The following HSPG2 variants were observed in gnomAD, a reference collection of about 807,000 sequenced individuals.
The protein encoded by HSPG2 is heparan sulfate proteoglycan 2, also known as basement membrane-specific heparan sulfate proteoglycan core protein.
In HSPG2, 278 loss-of-function variants were observed where a neutral mutation model predicts 526.6. The observed-to-expected ratio is 0.53, with a 90% CI of 0.48 to 0.58. HSPG2 has a LOEUF of 0.58. Among genes scored for constraint, HSPG2 ranks in the 20% least tolerant of loss-of-function variants. The probability of loss-of-function intolerance (pLI) is 0.00; values close to 1 mark genes in which losing one functional copy is unlikely to be tolerated. For synonymous variants in HSPG2, 2,465 were observed against 2,555.4 expected (o/e 0.96, Z 1.07); for missense variants, 5,354 against 6,099.5 (o/e 0.88, Z 4.07).
At chr1:21,930,382 T>G (rs1217926757) in intron 1 of HSPG2, among the ~76,000 whole-genome samples, 1 of 152,224 alleles carries the variant, frequency 6.6e-6, no homozygotes, top group East Asian at 1.9e-4. Flanking sequence ...TATCACCACC[T>G]GATGTATTTC....
chr1:21,833,470 G>A lies in HSPG2; in HGVS notation c.10975C>T (p.Pro3659Ser). 2 of 1,614,172 alleles carry A rather than the reference G, an allele frequency of 1.2e-6. No individual in the cohort carries two copies. The highest frequency in any genetic ancestry group is 1.7e-6 in the Non-Finnish European group (2 of 1,180,020). Residue 3659 changes from proline (P) to serine (S), a missense_variant, in exon 79 of 97, where the codon CCA (proline) becomes TCA (serine). Physicochemically the swap from Pro to Ser is moderately conservative, Grantham distance 74. Transcript: ENST00000374695. ...ATTCTTAGGGGTGGTGTCTTACCTGGCACCTGCAGGTGGGCAAAGGCTTTG... is the reference window on the plus strand; with the variant it reads ...ATTCTTAGGGGTGGTGTCTTACCTGACACCTGCAGGTGGGCAAAGGCTTTG... ...KVKAFAHLQV[P>S]ERVVPYFTQT...
Position 21,887,168 on chromosome 1 carries a change from G to A in HSPG2, c.1078+47C>T, listed in dbSNP as rs538384996. 1.2e-4 allele frequency: 200 copies of A among 1,610,522 alleles called. 1 individual carries two copies. Among genetic ancestry groups the A allele is most frequent in the Middle Eastern group, 8.3e-4 (4 of 4,834 alleles). ...AGTGGAAGGCGGGGCAGGAGCAAGC[G>A]GCCTGGGCAGGGCAAGGGGGCCTCA... On this transcript the variant is annotated intron_variant, in intron 9 of 96. Coordinates refer to ENST00000374695, the MANE Select transcript of HSPG2 (RefSeq NM_005529.7). The surrounding 1 kb of genome is among the most constrained non-coding windows in gnomAD (Gnocchi z 5.0).
At chr1:21,915,160 A>G (rs2445133) in intron 1 of HSPG2, among the ~76,000 whole-genome samples, 140,735 of 152,280 alleles carry the variant, frequency 0.92, 65,793 homozygotes, top group South Asian at 0.99. Context: ...CAAACAGCAC[A>G]CTTGGCGCCC....
At position 21,876,403 on chromosome 1, in the gene HSPG2, C is replaced by T; in HGVS notation, c.2829G>A (p.Leu943=). The T allele has an allele frequency of 6.2e-7, 1 of 1,610,306 alleles. No homozygotes were observed. Among genetic ancestry groups the T allele is most frequent in the Non-Finnish European group, 8.5e-7 (1 of 1,178,292 alleles). The change falls in exon 23 of 97, where the codon TTG becomes TTA. Residue 943 remains leucine, a splice_region_variant and synonymous_variant. Transcript: ENST00000374695. The part of the protein sequence containing the change: ...CTSSSWSRAQ[L]HGASEEPGHF... The stretch of plus-strand genomic sequence containing the variant: ...GACCAGGCTCCTCAGAGGCCCCATG[C>T]AACTGGGAGGAGGAGAAAGGGCTGG...
At chr1:21,842,988 G>A in intron 66 of HSPG2, 67 bp from the exon 67 acceptor site, 1 of 1,575,964 alleles carries the variant, frequency 6.3e-7, no homozygotes, top group Non-Finnish European at 8.7e-7. Context: ...TGAAGGTGGT[G>A]GCAGTGAAGA....
intron 1 of HSPG2, among the ~76,000 whole-genome samples, chr1:21,918,965 T>A (rs1177795310): frequency 1.8e-4 from 27 of 152,202 alleles, no homozygotes; most frequent in Admixed American, 1.8e-3. Flanking sequence ...TCCTCTGATC[T>A]ATAGGGCAGT....
At chr1:21,871,967 C>G (rs1640684302) in intron 33 of HSPG2, among the ~76,000 whole-genome samples, 1 of 152,248 alleles carries the variant, frequency 6.6e-6, no homozygotes, top group African/African-American at 2.4e-5. Flanking sequence ...GGCACGATCT[C>G]CAATCCCCTC....
In HSPG2 at chr1:21,885,022, G is replaced by C; in HGVS notation, c.1346C>G (p.Ser449Cys). 1 of 1,613,948 alleles carries C rather than the reference G, an allele frequency of 6.2e-7. No homozygotes were observed. The highest frequency in any genetic ancestry group is 8.5e-7 in the Non-Finnish European group (1 of 1,180,004). ...GGGCCCAGAGCCGCACCTGGGATGA[G>C]AGGGGATGTGGCCCCAGTTGAGCCT... ...NWRLNWGHIP[S>C]HPRVTVTSEG... is the part of the protein sequence containing the mutation. Residue 449 changes from serine (S) to cysteine (C), a missense_variant, in exon 11 of 97, where the codon TCT (serine) becomes TGT (cysteine). Ser to Cys is a moderately radical substitution (Grantham distance 112, BLOSUM62 -1). Transcript: ENST00000374695.
chr1:21,877,562 G>A (rs999075946), intron 21 of HSPG2: 2 of 151,996 alleles, frequency 1.3e-5, no homozygotes, highest in Non-Finnish European at 2.9e-5. Context: ...ACAGTGGTGC[G>A]GTCTCAGCTC....
At chr1:21,933,609 T>G (rs1644404149) in intron 1 of HSPG2, among the ~76,000 whole-genome samples, 1 of 152,214 alleles carries the variant, frequency 6.6e-6, no homozygotes, top group East Asian at 1.9e-4. Context: ...CTAACTTGTC[T>G]GCGCTCAGCC....
intron 33 of HSPG2, chr1:21,869,595 G>A: frequency 6.1e-6 from 6 of 986,068 alleles, no homozygotes; most frequent in Non-Finnish European, 7.2e-6. Context: ...GAGGGGGTTG[G>A]GGTTGGGCAG....
At position 21,898,446 on chromosome 1, in the gene HSPG2, A is replaced by T. The variant is rs1642898581; in HGVS notation, c.64-2136T>A. 6.6e-6 allele frequency among the ~76,000 whole-genome samples: 1 copy of T among 152,040 alleles called. No homozygotes were observed. Among genetic ancestry groups the T allele is most frequent in the Non-Finnish European group, 1.5e-5 (1 of 68,014 alleles). ...TGTGCCCGTGGGATGCGCATTCAGG[A>T]GTGTGCTTTAGAACGTCCAGGAGCT... On this transcript the variant is annotated intron_variant, in intron 1 of 96. Coordinates refer to ENST00000374695, the MANE Select transcript of HSPG2 (RefSeq NM_005529.7). This position sits in a 1 kb window ranked among gnomAD's most constrained non-coding sequence, Gnocchi z 4.0.
Position 21,823,340 on chromosome 1 carries a change from G to C in HSPG2, c.13152C>G (p.Ala4384=), listed in dbSNP as rs1158758759. Residue 4384 remains alanine, a synonymous_variant, in exon 97 of 97, where the codon GCC becomes GCG. Coordinates refer to ENST00000374695, the MANE Select transcript of HSPG2 (RefSeq NM_005529.7). ...LDLQHRAQAG[A]NTRPCPS is the part of the protein sequence containing the mutation. ...CCTACGAGGGGCAGGGGCGTGTGTTGGCCCCGGCCTGGGCGCGGTGCTGCA... is the reference window on the plus strand; with the variant it reads ...CCTACGAGGGGCAGGGGCGTGTGTTCGCCCCGGCCTGGGCGCGGTGCTGCA... The C allele has an allele frequency of 1.3e-6, 2 of 1,542,322 alleles. No individual in the cohort carries two copies. Among genetic ancestry groups the C allele is most frequent in the Non-Finnish European group, 1.7e-6 (2 of 1,147,016 alleles).
intron 1 of HSPG2, among the ~76,000 whole-genome samples, chr1:21,902,561 G>A (rs1339474252): frequency 1.3e-5 from 2 of 152,214 alleles, no homozygotes; most frequent in South Asian, 2.1e-4. Context: ...CAATGGGAAC[G>A]GAGTCTGAAA....
chr1:21,865,958 G>A lies in HSPG2; in HGVS notation c.4222-149C>T. 1 of 684,524 alleles carries A rather than the reference G, an allele frequency of 1.5e-6. No individual in the cohort carries two copies. The highest frequency in any genetic ancestry group is 2.7e-6 in the Non-Finnish European group (1 of 376,014). The allele number at this position is 684,524 out of a possible 1,614,324, so 42.4% of individuals were successfully genotyped here. A position where few individuals can be genotyped will look rare whatever the true frequency, so the allele number is the denominator to read the frequency against. Reference sequence around the variant, plus strand: ...CCTGCCCAAACCAAGAGGCCAGGGTGCATGGTTGCCTGGGAAACAGGACAT... The same window carrying A: ...CCTGCCCAAACCAAGAGGCCAGGGTACATGGTTGCCTGGGAAACAGGACAT... On this transcript the variant is annotated intron_variant, in intron 33 of 96. Coordinates refer to ENST00000374695, the MANE Select transcript of HSPG2 (RefSeq NM_005529.7). The surrounding 1 kb of genome is among the most constrained non-coding windows in gnomAD (Gnocchi z 5.4).
In HSPG2 at chr1:21,836,864, G is replaced by A. The variant is rs973049914; in HGVS notation, c.10293C>T (p.Leu3431=). 3.8e-6 allele frequency: 6 copies of A among 1,581,084 alleles called. No homozygotes were observed. The highest frequency in any genetic ancestry group is 2.7e-5 in the African/African-American group (2 of 74,346). ...GCTGACCCCCTTCCTTGAACCAACG[G>A]AGCTGGGTACCCCGGTCGCTGGGCA... The part of the protein sequence containing the change: ...CAVPSDRGTQ[L]RWFKEGGQLP... Residue 3431 remains leucine, a synonymous_variant, in exon 75 of 97, where the codon CTC becomes CTT. Transcript: ENST00000374695.
Position 21,828,106 on chromosome 1 carries a change from G to C in HSPG2, c.12456C>G (p.Pro4152=), listed in dbSNP as rs571046360. The change falls in exon 90 of 97, where the codon CCC becomes CCG. Residue 4152 remains proline, a synonymous_variant. Coordinates refer to ENST00000374695, the MANE Select transcript of HSPG2 (RefSeq NM_005529.7). This position sits in a 1 kb window ranked among gnomAD's most constrained non-coding sequence, Gnocchi z 6.0. ...HEENPCQLRE[P]CLHGGTCQGT... ...CCTGGCAGGTGCCCCCATGCAGACAGGGTTCACGGAGCTGGCAGGGGTTCT... is the reference window on the plus strand; with the variant it reads ...CCTGGCAGGTGCCCCCATGCAGACACGGTTCACGGAGCTGGCAGGGGTTCT... The C allele has an allele frequency of 1.9e-6, 3 of 1,613,270 alleles. No homozygotes were observed. In the South Asian group the frequency reaches 3.3e-5, roughly 18 times the overall value.
At chr1:21,860,295 G>A in intron 39 of HSPG2, 60 bp from the exon 40 acceptor site, 1 of 1,504,752 alleles carries the variant, frequency 6.6e-7, no homozygotes, top group Admixed American at 1.9e-5. Flanking sequence ...GCCTCATGGT[G>A]GACTTGGGGA....
Position 21,839,005 on chromosome 1 carries a change from C to T in HSPG2, c.9970G>A (p.Gly3324Arg), listed in dbSNP as rs1294413650. Residue 3324 changes from glycine to arginine, a missense_variant, in exon 74 of 97, where the codon GGG becomes AGG. Physicochemically the swap from Gly to Arg is moderately radical, Grantham distance 125. Coordinates refer to ENST00000374695, the MANE Select transcript of HSPG2 (RefSeq NM_005529.7). The surrounding 1 kb of genome is among the most constrained non-coding windows in gnomAD (Gnocchi z 4.5). ...ETVQLQCLAH[G>R]TPPLTFQWSR... ...CACTGGAAGGTGAGTGGGGGTGTCC[C>T]GTGAGCCAGGCACTGGAGCTGCACC... 8.7e-6 allele frequency: 14 copies of T among 1,609,254 alleles called. No homozygotes were observed. In the East Asian group the frequency reaches 2.0e-4, roughly 23 times the overall value.
Sources: allele counts gnomAD v4.1 joint callset (sites outside exome capture counted in the v4.1 genomes callset), GRCh38; gene constraint gnomAD v4.1.1; non-coding constraint Gnocchi (gnomAD v3.1); transcripts MANE v1.5; gene names NCBI Gene and HGNC (gene_info 2026-07-23, HGNC 2026-07-21).